TBC1D22A: variants seen among roughly 807,000 people sequenced by gnomAD.
TBC1D22A encodes putative GTPase activator.
A neutral mutation model predicts 60.2 loss-of-function variants in TBC1D22A; 38 were observed. The ratio of observed to expected loss-of-function variants is 0.63; its 90% CI spans 0.49 to 0.83. The LOEUF is 0.83. Among genes scored for constraint, TBC1D22A ranks in the 40% least tolerant of loss-of-function variants. The probability of loss-of-function intolerance (pLI) is 0.00; values close to 1 mark genes in which losing one functional copy is unlikely to be tolerated. For missense variants in TBC1D22A, 628 were observed against 701.0 expected (o/e 0.90, Z 1.18); for synonymous variants, 302 against 281.7 (o/e 1.07, Z -0.72).
intron 4 of TBC1D22A, among the ~76,000 whole-genome samples, chr22:46,854,310 A>G (rs1044095073): frequency 2.6e-5 from 4 of 152,128 alleles, no homozygotes; most frequent in Non-Finnish European, 5.9e-5. Context: ...CAGGATGACA[A>G]ATTGTCACGT....
intron 11 of TBC1D22A, among the ~76,000 whole-genome samples, chr22:47,064,181 C>T (rs975770823): frequency 6.6e-6 from 1 of 152,218 alleles, no homozygotes; most frequent in African/African-American, 2.4e-5. Flanking sequence ...GTTGCCGTTG[C>T]CGGGGAGCCG....
At chr22:46,831,599 T>C (rs1209011951) in intron 4 of TBC1D22A, among the ~76,000 whole-genome samples, 1 of 152,156 alleles carries the variant, frequency 6.6e-6, no homozygotes, top group African/African-American at 2.4e-5. Flanking sequence ...TATTAGAGCT[T>C]ACCAAACAAT....
chr22:46,968,170 G>A (rs144013301), intron 8 of TBC1D22A, among the ~76,000 whole-genome samples: 105 of 152,318 alleles, frequency 6.9e-4, no homozygotes, highest in African/African-American at 2.4e-3. Flanking sequence ...CCTGCCTGGA[G>A]TTGGAGCTGC....
chr22:47,154,093 GCGGGAGCAGGGGAGCTC>G (rs1345016772), intron 12 of TBC1D22A, among the ~76,000 whole-genome samples: 2 of 152,144 alleles, frequency 1.3e-5, no homozygotes, highest in Non-Finnish European at 2.9e-5. Context: ...CGCGTGGCTG[GCGGGAGCAGGGGAGCTC>G]CGGGACCTCC....
intron 11 of TBC1D22A, among the ~76,000 whole-genome samples, chr22:47,073,893 C>T (rs1050188633): frequency 9.9e-5 from 15 of 152,128 alleles, no homozygotes; most frequent in Non-Finnish European, 1.5e-5. Flanking sequence ...TTTGGAAGGT[C>T]GAGGAGGGCA....
At chr22:46,869,552 G>C (rs74748437) in intron 4 of TBC1D22A, among the ~76,000 whole-genome samples, 5 of 152,214 alleles carry the variant, frequency 3.3e-5, no homozygotes, top group African/African-American at 1.2e-4. Flanking sequence ...GCTTACACAG[G>C]GGGCATGCTC....
intron 4 of TBC1D22A, among the ~76,000 whole-genome samples, chr22:46,848,815 T>C (rs1338345876): frequency 6.6e-6 from 1 of 152,190 alleles, no homozygotes; most frequent in Non-Finnish European, 1.5e-5. Context: ...CTGAGCAATT[T>C]GTATTTTTCC....
At chr22:47,057,687 A>G (rs1020770997) in intron 11 of TBC1D22A, among the ~76,000 whole-genome samples, 1 of 152,204 alleles carries the variant, frequency 6.6e-6, no homozygotes, top group African/African-American at 2.4e-5. Flanking sequence ...GCCGCCCTTT[A>G]TAAAACCGTC....
chr22:47,165,278 A>G (rs1320572754), intron 12 of TBC1D22A, among the ~76,000 whole-genome samples: 1 of 152,024 alleles, frequency 6.6e-6, no homozygotes, highest in Non-Finnish European at 1.5e-5. Context: ...TTCAGCCCTC[A>G]TGGCACCTGC....
chr22:47,013,783 C>T (rs966743631), intron 10 of TBC1D22A, among the ~76,000 whole-genome samples: 5 of 152,240 alleles, frequency 3.3e-5, no homozygotes, highest in African/African-American at 9.6e-5. Flanking sequence ...TCTCTACCCC[C>T]TCGTCTCTCT....
At chr22:47,098,484 G>A (rs930104637) in intron 11 of TBC1D22A, among the ~76,000 whole-genome samples, 2 of 152,218 alleles carry the variant, frequency 1.3e-5, no homozygotes, top group South Asian at 4.1e-4. Flanking sequence ...TCTTCCCTGT[G>A]TACTGCACAG....
At chr22:47,054,737 T>C (rs1318783071) in intron 11 of TBC1D22A, among the ~76,000 whole-genome samples, 1 of 152,174 alleles carries the variant, frequency 6.6e-6, no homozygotes, top group Non-Finnish European at 1.5e-5. Flanking sequence ...AGGTGGCCAG[T>C]GAGGGCTGTT....
intron 9 of TBC1D22A, among the ~76,000 whole-genome samples, chr22:46,996,030 C>T (rs151075875): frequency 3.3e-5 from 5 of 152,316 alleles, no homozygotes; most frequent in East Asian, 1.9e-4. Flanking sequence ...CCCGCTGCCA[C>T]GCAAAGCAGC....
chr22:46,860,984 T>G (rs2087847747), intron 4 of TBC1D22A, among the ~76,000 whole-genome samples: 1 of 151,682 alleles, frequency 6.6e-6, no homozygotes, highest in South Asian at 2.1e-4. Context: ...AATAAATTAA[T>G]TTTTTTTTAA....
At chr22:46,948,352 A>G (rs2072680610) in intron 8 of TBC1D22A, among the ~76,000 whole-genome samples, 1 of 152,184 alleles carries the variant, frequency 6.6e-6, no homozygotes, top group African/African-American at 2.4e-5. Context: ...CCAACTCTTG[A>G]CTGCTCACCA....
At chr22:47,158,517 T>G (rs1006146357) in intron 12 of TBC1D22A, among the ~76,000 whole-genome samples, 1 of 152,080 alleles carries the variant, frequency 6.6e-6, no homozygotes, top group Non-Finnish European at 1.5e-5. Flanking sequence ...CCCGACAGGT[T>G]CTTCACACAT....
chr22:46,894,388 A>T (rs996798637), intron 6 of TBC1D22A, among the ~76,000 whole-genome samples: 4 of 152,234 alleles, frequency 2.6e-5, no homozygotes, highest in African/African-American at 9.6e-5. Flanking sequence ...GCCTCTGTCC[A>T]GGAAGAAGCT....
chr22:46,811,113 A>C (rs2085358874), intron 4 of TBC1D22A, among the ~76,000 whole-genome samples: 2 of 152,134 alleles, frequency 1.3e-5, no homozygotes, highest in South Asian at 4.1e-4. Flanking sequence ...TGGGCAGGGG[A>C]CAGTGGGCAT....
rs796804089 is a variant in TBC1D22A at position 47,140,566 on chromosome 22, A to G, written c.1425+28963A>G. ...GAGACTCTGTCTCAAAAAAAAAAAA[A>G]AAAGAAAGAAAGAAAGAAAGAAAAT... On this transcript the variant is annotated intron_variant, in intron 12 of 12. Transcript: ENST00000337137. 9.3e-5 allele frequency among the ~76,000 whole-genome samples: 14 copies of G among 150,616 alleles called. 1 individual carries two copies. Among genetic ancestry groups the G allele is most frequent in the South Asian group, 2.1e-4 (1 of 4,808 alleles).
Sources: allele counts gnomAD v4.1 joint callset (sites outside exome capture counted in the v4.1 genomes callset), GRCh38; gene constraint gnomAD v4.1.1; transcripts MANE v1.5; gene names NCBI Gene and HGNC (gene_info 2026-07-23, HGNC 2026-07-21).